Variants in SAMHD1 observed in about 807,000 individuals in gnomAD.
SAMHD1 encodes the protein deoxynucleoside triphosphate triphosphohydrolase SAMHD1.
In SAMHD1, 54 loss-of-function variants were observed where a neutral mutation model predicts 79.6. That is an observed-to-expected ratio of 0.68 (90% CI 0.55 to 0.85). The LOEUF (loss-of-function observed/expected upper bound fraction) is 0.85. Among genes scored for constraint, SAMHD1 ranks in the 40% least tolerant of loss-of-function variants. The pLI is 0.00. For synonymous variants in SAMHD1, 260 were observed against 264.1 expected (o/e 0.98, Z 0.15); for missense variants, 663 against 782.7 (o/e 0.85, Z 1.82).
Position 36,914,013 on chromosome 20 carries a change from C to T in SAMHD1, c.1063-1461G>A, listed in dbSNP as rs562003878. 3.3e-5 allele frequency among the ~76,000 whole-genome samples: 5 copies of T among 151,770 alleles called. No homozygotes were observed. The South Asian group carries it at 8.3e-4, about 25-fold the overall frequency. ...AAGAGATTTGCCCACCTCAGCCTTG[C>T]GAAGTAGTGGGATTACAGATATGTA... On this transcript the variant is annotated intron_variant, in intron 9 of 15. Transcript: ENST00000646673.
intron 1 of SAMHD1, 125 bp downstream of exon 1, chr20:36,951,311 G>A (rs1038196199): frequency 8.0e-6 from 11 of 1,371,988 alleles, no homozygotes; most frequent in Admixed American, 2.1e-5. Flanking sequence ...CCGCCCTCCC[G>A]GGTGCCTCCC....
At chr20:36,908,944 TTTTA>T (rs1434962635) in intron 11 of SAMHD1, among the ~76,000 whole-genome samples, 1 of 151,968 alleles carries the variant, frequency 6.6e-6, no homozygotes, top group Non-Finnish European at 1.5e-5. Context: ...CCAATTTTAT[TTTTA>T]TTTATTTATT....
chr20:36,925,146 A>T (rs1216121770), intron 6 of SAMHD1, among the ~76,000 whole-genome samples: 34 of 145,732 alleles, frequency 2.3e-4, no homozygotes, highest in African/African-American at 7.7e-4. Context: ...ACAGAGTGAG[A>T]CTCCATCTCA....
chr20:36,925,072 C>A (rs968614581), intron 6 of SAMHD1, among the ~76,000 whole-genome samples: 16 of 150,916 alleles, frequency 1.1e-4, no homozygotes, highest in African/African-American at 3.9e-4. Flanking sequence ...AGGAGACTCG[C>A]TTGAACCCAG....
chr20:36,941,339 C>T (rs2063643237), intron 2 of SAMHD1, among the ~76,000 whole-genome samples: 1 of 152,094 alleles, frequency 6.6e-6, no homozygotes, highest in African/African-American at 2.4e-5. Context: ...GCCTTCTGTC[C>T]TTGACCCTCC....
intron 13 of SAMHD1, 56 bp from the exon 14 acceptor site, chr20:36,898,600 G>T: frequency 7.6e-7 from 1 of 1,315,320 alleles, no homozygotes; most frequent in Non-Finnish European, 1.1e-6. Flanking sequence ...CTGAACTCAG[G>T]GCTGTAGGAG....
At chr20:36,912,118 C>T (rs143163031) in intron 10 of SAMHD1, 125 of 260,334 alleles carry the variant, frequency 4.8e-4, no homozygotes, top group Admixed American at 2.1e-3. Flanking sequence ...TATTCATGTC[C>T]TACCTCCCAT....
chr20:36,903,556 CTTTTT>C lies in SAMHD1; in HGVS notation c.1503+596_1503+600del, dbSNP rs56285893. Among the ~76,000 whole-genome samples the C allele has an allele frequency of 3.3e-5, 4 of 119,474 alleles. No homozygotes were observed. In the East Asian group the frequency reaches 9.7e-4, roughly 29 times the overall value. The allele number at this position is 119,474 out of a possible 152,430, so 78.4% of individuals were successfully genotyped here. On this transcript the variant is annotated intron_variant, in intron 13 of 15. Coordinates refer to ENST00000646673, the MANE Select transcript of SAMHD1 (RefSeq NM_015474.4). Reference sequence around the variant, plus strand: ...GCCCAGCAATTTTTTTTTTCTTTTTCTTTTTTTTTTTTGGAGACAGTCTTACTCTG... The same window carrying C: ...GCCCAGCAATTTTTTTTTTCTTTTTCTTTTTTTGGAGACAGTCTTACTCTG...
chr20:36,914,405 C>T (rs2063463578), intron 9 of SAMHD1, among the ~76,000 whole-genome samples: 1 of 151,658 alleles, frequency 6.6e-6, no homozygotes, highest in Admixed American at 6.6e-5. Context: ...GGCTGGAGTG[C>T]AGTGGCGCAA....
At chr20:36,929,495 G>A (rs533976984) in intron 5 of SAMHD1, among the ~76,000 whole-genome samples, 2 of 152,250 alleles carry the variant, frequency 1.3e-5, no homozygotes, top group African/African-American at 4.8e-5. Flanking sequence ...AACACTTTGG[G>A]AGGCCAAGGG....
At chr20:36,922,872 C>T (rs2063514547) in intron 6 of SAMHD1, among the ~76,000 whole-genome samples, 1 of 152,056 alleles carries the variant, frequency 6.6e-6, no homozygotes, top group African/African-American at 2.4e-5. Flanking sequence ...TGGTCTTGAA[C>T]TCCTGGGCTC....
intron 11 of SAMHD1, among the ~76,000 whole-genome samples, chr20:36,906,658 GAAGA>G (rs927544325): frequency 2.1e-4 from 32 of 152,132 alleles, no homozygotes; most frequent in African/African-American, 7.7e-4. Context: ...GATGAGAGTA[GAAGA>G]AATGTTTTTC....
intron 2 of SAMHD1, 61 bp downstream of exon 2, chr20:36,946,677 G>T: frequency 7.5e-7 from 1 of 1,337,604 alleles, no homozygotes; most frequent in Non-Finnish European, 1.1e-6. Flanking sequence ...TTTGGGCTTT[G>T]TCCCTGAAAG....
At chr20:36,922,443 G>A (rs1471384684) in intron 6 of SAMHD1, among the ~76,000 whole-genome samples, 1 of 152,186 alleles carries the variant, frequency 6.6e-6, no homozygotes, top group Non-Finnish European at 1.5e-5. Flanking sequence ...CTGGAGCTCA[G>A]TGGCATATTC....
chr20:36,940,991 T>C (rs1876741451), intron 3 of SAMHD1, 48 bp downstream of exon 3: 1 of 1,350,368 alleles, frequency 7.4e-7, no homozygotes, highest in African/African-American at 1.4e-5. Flanking sequence ...CATAATTGAG[T>C]TATATCACTT....
intron 15 of SAMHD1, among the ~76,000 whole-genome samples, chr20:36,896,972 A>G (rs1990210710): frequency 6.6e-6 from 1 of 151,972 alleles, no homozygotes; most frequent in African/African-American, 2.4e-5. Flanking sequence ...TATACCCTGC[A>G]TTCTCCCTGC....
intron 12 of SAMHD1, chr20:36,904,752 G>GA (rs10709202): frequency 5.6e-3 from 907 of 162,050 alleles, no homozygotes; most frequent in South Asian, 0.019. Context: ...TTCACATTTT[G>GA]AAAAAAAAAA....
chr20:36,919,231 A>G, intron 7 of SAMHD1, 133 bp downstream of exon 7: 1 of 808,980 alleles, frequency 1.2e-6, no homozygotes, highest in Admixed American at 2.7e-5. Flanking sequence ...TTTTTGCATT[A>G]AACAGTAGAA....
chr20:36,945,765 G>A (rs1259668005), intron 2 of SAMHD1, among the ~76,000 whole-genome samples: 1 of 151,744 alleles, frequency 6.6e-6, no homozygotes, highest in Non-Finnish European at 1.5e-5. Flanking sequence ...ACAAAACTTA[G>A]CTGGGCATGG....
Sources: gnomAD v4.1 joint callset for allele counts (sites outside exome capture counted in the v4.1 genomes callset) on GRCh38, gnomAD v4.1.1 for gene constraint, MANE v1.5 for transcripts, NCBI Gene and HGNC (gene_info 2026-07-23, HGNC 2026-07-21) for gene names.